Variants in COG2 observed in about 807,000 individuals in gnomAD.
The protein encoded by COG2 is component of oligomeric golgi complex 2.
A neutral mutation model predicts 90.6 loss-of-function variants in COG2; 52 were observed. The ratio of observed to expected loss-of-function variants is 0.57; its 90% CI spans 0.46 to 0.72. The LOEUF (loss-of-function observed/expected upper bound fraction) is 0.72. Among genes scored for constraint, COG2 ranks in the 30% least tolerant of loss-of-function variants. COG2 has a pLI of 0.00. For synonymous variants in COG2, 337 were observed against 320.4 expected (o/e 1.05, Z -0.55); for missense variants, 829 against 891.2 (o/e 0.93, Z 0.89).
intron 9 of COG2, among the ~76,000 whole-genome samples, chr1:230,675,752 A>G (rs1257213093): frequency 6.6e-6 from 1 of 152,108 alleles, no homozygotes; most frequent in African/African-American, 2.4e-5. Context: ...AAGCGATCCT[A>G]TGCCTCAGGC....
chr1:230,677,740 G>C (rs1388671105), intron 9 of COG2, among the ~76,000 whole-genome samples: 5 of 152,164 alleles, frequency 3.3e-5, no homozygotes, highest in Non-Finnish European at 7.3e-5. Context: ...CTTGACTTTA[G>C]AATTTTAGGC....
intron 5 of COG2, among the ~76,000 whole-genome samples, chr1:230,668,122 TGAG>T (rs1662362356): frequency 6.6e-6 from 1 of 151,934 alleles, no homozygotes; most frequent in South Asian, 2.1e-4. Flanking sequence ...TTTCATTCAT[TGAG>T]GAGACAAATA....
intron 2 of COG2, among the ~76,000 whole-genome samples, chr1:230,659,988 A>G (rs1413803845): frequency 1.3e-5 from 2 of 152,250 alleles, no homozygotes; most frequent in Non-Finnish European, 2.9e-5. Context: ...ATTTACTTTC[A>G]GATACATACG....
At chr1:230,679,921 C>T (rs1662698092) in intron 10 of COG2, 1 of 152,040 alleles carries the variant, frequency 6.6e-6, no homozygotes, top group Admixed American at 6.5e-5. Flanking sequence ...AATTAGGTAC[C>T]CTGATGATAA....
In COG2 at chr1:230,678,031, T is replaced by C. The variant is rs1662641555; in HGVS notation, c.1027-882T>C. On this transcript the variant is annotated intron_variant, in intron 9 of 17. Coordinates refer to ENST00000366669, the MANE Select transcript of COG2 (RefSeq NM_007357.3). ...ATTTAAAGCCTGTAGTTTTTACTAC[T>C]GTAAGATCCTTTCTAAGCACAGACT... 4 of 985,402 alleles carry C rather than the reference T, an allele frequency of 4.1e-6. No individual in the cohort carries two copies. In the South Asian group the frequency reaches 1.4e-4, roughly 35 times the overall value. The allele number at this position is 985,402 out of a possible 1,614,324, so 61.0% of individuals were successfully genotyped here.
In COG2 at chr1:230,687,225, G is replaced by A. The variant is rs991520330; in HGVS notation, c.1578+93G>A. Reference sequence around the variant, plus strand: ...AAAGGCAAACACCACTGGGCCTTACGGGGCTTAAATTGGGGGACCCGTGGG... The same window carrying A: ...AAAGGCAAACACCACTGGGCCTTACAGGGCTTAAATTGGGGGACCCGTGGG... On this transcript the variant is annotated intron_variant, in intron 13 of 17. Transcript: ENST00000366669. 51 of 1,104,110 alleles carry A rather than the reference G, an allele frequency of 4.6e-5. 1 individual carries two copies. The East Asian group carries it at 1.1e-3, about 25-fold the overall frequency. 68.4% of individuals were successfully genotyped at this position (1,104,110 alleles called of 1,614,324 possible).
intron 10 of COG2, chr1:230,680,624 C>A (rs888729034): frequency 6.6e-6 from 1 of 152,176 alleles, no homozygotes. Context: ...CAGATTTCAG[C>A]CTTAAGCCTT....
At chr1:230,655,811 C>T (rs897135863) in intron 1 of COG2, among the ~76,000 whole-genome samples, 3 of 152,170 alleles carry the variant, frequency 2.0e-5, no homozygotes, top group African/African-American at 7.2e-5. Context: ...TCAACTTCTT[C>T]CAGGTTTGGC....
chr1:230,685,027 T>C, intron 11 of COG2, 58 bp from the exon 12 acceptor site: 1 of 1,579,216 alleles, frequency 6.3e-7, no homozygotes, highest in South Asian at 1.1e-5. Context: ...CACATTAGAC[T>C]ATAGCCTAAA....
At chr1:230,673,049 CTTTTG>C (rs1297744119) in intron 8 of COG2, among the ~76,000 whole-genome samples, 2 of 152,062 alleles carry the variant, frequency 1.3e-5, no homozygotes, top group African/African-American at 2.4e-5. Flanking sequence ...AGTTTTGCTA[CTTTTG>C]TTTAGTAATC....
chr1:230,691,375 C>T lies in COG2; in HGVS notation c.1935-9C>T, dbSNP rs764600326. On this transcript the variant is annotated splice_polypyrimidine_tract_variant and intron_variant, in intron 16 of 17. Coordinates refer to ENST00000366669, the MANE Select transcript of COG2 (RefSeq NM_007357.3). The stretch of plus-strand genomic sequence containing the variant: ...CTCTTTTCACCAATAAACGTGTCTT[C>T]TATTCAAGGTACTATGAAACCGTGT... 1 of 1,593,162 alleles carries T rather than the reference C, an allele frequency of 6.3e-7. No homozygotes were observed. The highest frequency in any genetic ancestry group is 1.8e-5 in the Admixed American group (1 of 56,690).
intron 1 of COG2, among the ~76,000 whole-genome samples, chr1:230,651,376 G>A (rs1661910394): frequency 6.6e-6 from 1 of 152,078 alleles, no homozygotes. Flanking sequence ...GGTCTCAGGC[G>A]AGCTTTAAAT....
intron 1 of COG2, among the ~76,000 whole-genome samples, chr1:230,644,119 T>C (rs1441687478): frequency 1.3e-5 from 2 of 152,198 alleles, no homozygotes; most frequent in Non-Finnish European, 2.9e-5. Flanking sequence ...AAATGCAGCT[T>C]CAGGAAGTGA....
Position 230,671,553 on chromosome 1 carries a change from G to T in COG2, c.812G>T (p.Gly271Val), listed in dbSNP as rs780705996. The change falls in exon 8 of 18, where the codon GGC becomes GTC. Residue 271 changes from glycine (G) to valine (V), a missense_variant. Transcript: ENST00000366669. Reference protein sequence around the residue: ...IEQFVESHPNGLQVMYNKLLE... With the variant: ...IEQFVESHPNVLQVMYNKLLE... Reference sequence around the variant, plus strand: ...CAGTTTGTTGAATCTCATCCCAATGGCCTTCAGGTCATGTATAATAAACTC... The same window carrying T: ...CAGTTTGTTGAATCTCATCCCAATGTCCTTCAGGTCATGTATAATAAACTC... The T allele has an allele frequency of 6.2e-7, 1 of 1,612,994 alleles. No homozygotes were observed. The highest frequency in any genetic ancestry group is 1.7e-4 in the Middle Eastern group (1 of 6,054).
At chr1:230,688,705 G>GA in intron 15 of COG2, 143 bp downstream of exon 15, 1 of 938,630 alleles carries the variant, frequency 1.1e-6, no homozygotes, top group Non-Finnish European at 1.6e-6. Context: ...TGGTATTGAT[G>GA]AAGAGAGGGA....
chr1:230,660,386 C>T (rs904772727), intron 2 of COG2, among the ~76,000 whole-genome samples: 1 of 152,140 alleles, frequency 6.6e-6, no homozygotes, highest in Non-Finnish European at 1.5e-5. Flanking sequence ...GATAGATATA[C>T]TCCTTGAGAC....
intron 1 of COG2, among the ~76,000 whole-genome samples, chr1:230,647,554 C>G (rs1661819766): frequency 6.6e-6 from 1 of 152,160 alleles, no homozygotes; most frequent in Admixed American, 6.5e-5. Flanking sequence ...TATCTCAATA[C>G]TCTTTGCAGT....
At chr1:230,684,101 T>C (rs1350507388) in intron 11 of COG2, among the ~76,000 whole-genome samples, 1 of 152,208 alleles carries the variant, frequency 6.6e-6, no homozygotes, top group Non-Finnish European at 1.5e-5. Flanking sequence ...CTGACTTCTT[T>C]TTTTAATAAG....
At chr1:230,647,122 A>T (rs1004553379) in intron 1 of COG2, among the ~76,000 whole-genome samples, 1 of 152,162 alleles carries the variant, frequency 6.6e-6, no homozygotes, top group Non-Finnish European at 1.5e-5. Context: ...ACCTGTATAC[A>T]CCATGAAAAC....
Sources: gnomAD v4.1 joint callset for allele counts (sites outside exome capture counted in the v4.1 genomes callset) on GRCh38, gnomAD v4.1.1 for gene constraint, MANE v1.5 for transcripts, NCBI Gene and HGNC (gene_info 2026-07-23, HGNC 2026-07-21) for gene names.